CCDC149: variants seen among roughly 807,000 people sequenced by gnomAD.
CCDC149 encodes the protein coiled-coil domain containing 149.
Under a neutral mutation model 59.9 loss-of-function variants are expected in CCDC149, and 45 were observed. The ratio of observed to expected loss-of-function variants is 0.75; its 90% CI spans 0.59 to 0.96. The LOEUF (loss-of-function observed/expected upper bound fraction) is 0.96. CCDC149 is among the 40% of genes least tolerant of loss of function. The pLI, the probability that CCDC149 is intolerant of heterozygous loss-of-function variation, is 0.00. For synonymous variants in CCDC149, 245 were observed against 260.6 expected (o/e 0.94, Z 0.58); for missense variants, 584 against 664.7 (o/e 0.88, Z 1.33).
At chr4:24,911,132 T>A (rs6846115) in intron 1 of CCDC149, among the ~76,000 whole-genome samples, 141,111 of 152,224 alleles carry the variant, frequency 0.93, 66,011 homozygotes, top group Non-Finnish European at 1. Flanking sequence ...TACAGAGCTC[T>A]GTGTATAGGC....
chr4:24,968,871 G>A (rs1355495534), intron 1 of CCDC149, among the ~76,000 whole-genome samples: 2 of 152,214 alleles, frequency 1.3e-5, no homozygotes, highest in Non-Finnish European at 2.9e-5. Context: ...CCATTTGGGG[G>A]CAATCCATGT....
At position 24,837,321 on chromosome 4, in the gene CCDC149, T is replaced by C; in HGVS notation, c.569A>G (p.Asp190Gly). ...CTCCTGGTTGAGCCTCTCCACTTTG[T>C]CCTGGTAGGAAGACCGTTCTTCTTT... Residue 190 changes from aspartate (D) to glycine (G), a missense_variant, in exon 6 of 13, where the codon GAC (aspartate) becomes GGC (glycine). Asp to Gly is a moderately conservative substitution (Grantham distance 94). Transcript: ENST00000635206. This position sits in a 1 kb window ranked among gnomAD's most constrained non-coding sequence, Gnocchi z 4.3. The C allele has an allele frequency of 1.2e-6, 2 of 1,614,188 alleles. No individual in the cohort carries two copies. The highest frequency in any genetic ancestry group is 1.3e-5 in the African/African-American group (1 of 75,040).
At chr4:24,921,862 C>T (rs753774830) in intron 1 of CCDC149, among the ~76,000 whole-genome samples, 18 of 152,226 alleles carry the variant, frequency 1.2e-4, no homozygotes, top group Admixed American at 2.6e-4. Context: ...ATTCCCCGCT[C>T]TTGTGCTGCG....
intron 12 of CCDC149, 92 bp from the exon 13 acceptor site, chr4:24,808,911 A>T: frequency 8.2e-7 from 1 of 1,215,160 alleles, no homozygotes. Flanking sequence ...GCCTACCAGC[A>T]CAGGGCCTCT....
At chr4:24,948,333 G>T (rs1220012943) in intron 1 of CCDC149, among the ~76,000 whole-genome samples, 3 of 152,164 alleles carry the variant, frequency 2.0e-5, no homozygotes, top group Admixed American at 2.0e-4. Flanking sequence ...GAAATAAAAA[G>T]GTTGATGCAG....
chr4:24,874,690 A>G (rs1213010035), intron 2 of CCDC149, among the ~76,000 whole-genome samples: 1 of 152,216 alleles, frequency 6.6e-6, no homozygotes, highest in Non-Finnish European at 1.5e-5. Flanking sequence ...GCACTCTAAT[A>G]TCTGATGCTG....
At chr4:24,843,241 G>A (rs1027220131) in intron 4 of CCDC149, among the ~76,000 whole-genome samples, 6 of 152,318 alleles carry the variant, frequency 3.9e-5, no homozygotes, top group Admixed American at 2.0e-4. Flanking sequence ...CAGAGCTATC[G>A]AGAGGGTCAG....
At chr4:24,956,596 G>A (rs1245320858) in intron 1 of CCDC149, among the ~76,000 whole-genome samples, 1 of 152,162 alleles carries the variant, frequency 6.6e-6, no homozygotes, top group Non-Finnish European at 1.5e-5. Context: ...CAGTGAGCGA[G>A]AAGTACTATG....
At chr4:24,959,249 C>T (rs542658494) in intron 1 of CCDC149, among the ~76,000 whole-genome samples, 38 of 152,280 alleles carry the variant, frequency 2.5e-4, no homozygotes, top group African/African-American at 8.9e-4. Context: ...GCTGGGATTA[C>T]AGGCGTGAGC....
At chr4:24,883,031 T>C (rs1246624485) in intron 1 of CCDC149, among the ~76,000 whole-genome samples, 1 of 152,126 alleles carries the variant, frequency 6.6e-6, no homozygotes, top group Non-Finnish European at 1.5e-5. Context: ...CCTCCTAACT[T>C]CCTTATCCTT....
intron 3 of CCDC149, among the ~76,000 whole-genome samples, chr4:24,855,505 G>A (rs1213413701): frequency 1.3e-5 from 2 of 151,768 alleles, no homozygotes; most frequent in African/African-American, 2.4e-5. Context: ...GGTGGAGATG[G>A]TGGAGGTTTC....
chr4:24,960,726 T>C (rs73250656), intron 1 of CCDC149, among the ~76,000 whole-genome samples: 26,629 of 152,110 alleles, frequency 0.18, 3,141 homozygotes, highest in African/African-American at 0.32. Flanking sequence ...ATGTTTAAGC[T>C]TCGAATAACA....
chr4:24,974,294 C>T (rs1453773243), intron 1 of CCDC149, among the ~76,000 whole-genome samples: 1 of 152,202 alleles, frequency 6.6e-6, no homozygotes, highest in African/African-American at 2.4e-5. Context: ...GTGAATTTGC[C>T]CCCGCCCTGA....
intron 1 of CCDC149, among the ~76,000 whole-genome samples, chr4:24,904,719 G>A (rs1229724349): frequency 6.6e-6 from 1 of 152,134 alleles, no homozygotes; most frequent in Non-Finnish European, 1.5e-5. Context: ...GTAACTTGTT[G>A]CTTTTCCATT....
intron 4 of CCDC149, among the ~76,000 whole-genome samples, chr4:24,844,654 T>C (rs972621214): frequency 3.3e-5 from 5 of 152,042 alleles, no homozygotes; most frequent in African/African-American, 1.2e-4. Context: ...ACACCTGTAG[T>C]CCCAGCTACG....
intron 1 of CCDC149, among the ~76,000 whole-genome samples, chr4:24,936,732 T>C (rs75468701): frequency 0.099 from 14,988 of 152,086 alleles, 1,327 homozygotes; most frequent in East Asian, 0.29. Flanking sequence ...ATGTTACCAC[T>C]GGTGGAATGG....
intron 1 of CCDC149, among the ~76,000 whole-genome samples, chr4:24,906,375 A>ATTTT (rs1553859575): frequency 9.6e-5 from 1 of 10,464 alleles, no homozygotes; most frequent in African/African-American, 1.4e-4. Flanking sequence ...ATTTTATTTT[A>ATTTT]TTTTATTTTA....
intron 1 of CCDC149, among the ~76,000 whole-genome samples, chr4:24,970,323 G>C (rs1442522627): frequency 6.6e-6 from 1 of 152,190 alleles, no homozygotes; most frequent in East Asian, 1.9e-4. Context: ...TTCAGCATCT[G>C]CAGACAACTG....
At chr4:24,867,820 A>G (rs979624349) in intron 3 of CCDC149, among the ~76,000 whole-genome samples, 3 of 152,262 alleles carry the variant, frequency 2.0e-5, no homozygotes, top group African/African-American at 7.2e-5. Flanking sequence ...TCTGAAACAA[A>G]CAGGAGAAGA....
Sources: allele counts gnomAD v4.1 joint callset (sites outside exome capture counted in the v4.1 genomes callset), GRCh38; gene constraint gnomAD v4.1.1; non-coding constraint Gnocchi (gnomAD v3.1); transcripts MANE v1.5; gene names NCBI Gene and HGNC (gene_info 2026-07-23, HGNC 2026-07-21).